LRP1B: variants seen among roughly 807,000 people sequenced by gnomAD.
LRP1B encodes LDL receptor related protein 1B, also known as low-density lipoprotein receptor-related protein 1B.
LRP1B carries 217 observed loss-of-function variants against 556.6 expected under a neutral mutation model. That is an observed-to-expected ratio of 0.39 (90% CI 0.35 to 0.44). The LOEUF (loss-of-function observed/expected upper bound fraction) is 0.44. Among genes scored for constraint, LRP1B ranks in the 20% least tolerant of loss-of-function variants. The pLI is 1.00. For missense variants in LRP1B, 5,053 were observed against 5,620.8 expected, an observed-to-expected ratio of 0.90 and a Z score of 3.23; for synonymous variants, 2,047 against 1,865.8, an observed-to-expected ratio of 1.10 and a Z score of -2.50.
chr2:141,469,328 C>T (rs891483057), intron 3 of LRP1B, among the ~76,000 whole-genome samples: 1 of 152,134 alleles, frequency 6.6e-6, no homozygotes, highest in African/African-American at 2.4e-5. Context: ...TTTCATTTTT[C>T]AGAATATTAC....
chr2:141,828,842 T>A (rs1697020010), intron 1 of LRP1B, among the ~76,000 whole-genome samples: 8 of 151,888 alleles, frequency 5.3e-5, no homozygotes, highest in Admixed American at 2.6e-4. Flanking sequence ...TAAAAATCAA[T>A]AACTGGGATA....
At chr2:141,518,735 G>A (rs1031338780) in intron 2 of LRP1B, among the ~76,000 whole-genome samples, 2 of 152,084 alleles carry the variant, frequency 1.3e-5, no homozygotes, top group African/African-American at 2.4e-5. Flanking sequence ...GATCACCTGA[G>A]GTCAGAAGTT....
At chr2:141,624,865 G>C (rs922348507) in intron 2 of LRP1B, among the ~76,000 whole-genome samples, 1 of 152,104 alleles carries the variant, frequency 6.6e-6, no homozygotes, top group African/African-American at 2.4e-5. Flanking sequence ...CGCCTCCCAG[G>C]TTCATTCCAT....
intron 9 of LRP1B, 55 bp from the exon 10 acceptor site, chr2:141,055,314 T>C (rs1699149234): frequency 2.6e-6 from 4 of 1,564,248 alleles, no homozygotes; most frequent in Admixed American, 3.7e-5. Flanking sequence ...ATAAGATAAC[T>C]ATGTGCATCA....
At chr2:141,630,615 A>C (rs1558766252) in intron 2 of LRP1B, among the ~76,000 whole-genome samples, 1 of 152,212 alleles carries the variant, frequency 6.6e-6, no homozygotes, top group African/African-American at 2.4e-5. Context: ...AAAAGTCACG[A>C]CAGATGGTCC....
In LRP1B at chr2:142,036,996, T is replaced by C. The variant is rs113397564; in HGVS notation, c.82+93652A>G. 8.5e-3 allele frequency among the ~76,000 whole-genome samples: 1,283 copies of C among 151,736 alleles called. 13 individuals are homozygous for C. The highest frequency in any genetic ancestry group is 0.029 in the African/African-American group (1,223 of 41,476). ...AGGAACTGGGTTTGCTAATTTGGCA[T>C]TGATGTTGGGTCACACAGAGGACTA... On this transcript the variant is annotated intron_variant, in intron 1 of 90. Coordinates refer to ENST00000389484, the MANE Select transcript of LRP1B (RefSeq NM_018557.3).
At chr2:140,730,344 T>C (rs1196792577) in intron 35 of LRP1B, among the ~76,000 whole-genome samples, 3 of 152,212 alleles carry the variant, frequency 2.0e-5, no homozygotes, top group Non-Finnish European at 2.9e-5. Context: ...CCAGGTTCTT[T>C]AGTACATCAT....
chr2:141,879,370 A>C (rs1216909032), intron 1 of LRP1B, among the ~76,000 whole-genome samples: 2 of 152,040 alleles, frequency 1.3e-5, no homozygotes, highest in Admixed American at 6.6e-5. Context: ...ACATATTTAT[A>C]AAACAAATGC....
intron 6 of LRP1B, among the ~76,000 whole-genome samples, chr2:141,206,155 A>G (rs991780006): frequency 2.6e-5 from 4 of 151,138 alleles, no homozygotes; most frequent in East Asian, 4.0e-4. Flanking sequence ...ACACACACAC[A>G]CACGCACAAC....
At chr2:140,587,293 T>G (rs1265054968) in intron 43 of LRP1B, among the ~76,000 whole-genome samples, 1 of 152,118 alleles carries the variant, frequency 6.6e-6, no homozygotes, top group Admixed American at 6.6e-5. Flanking sequence ...TAAAAAGGAC[T>G]TGAAAAATGT....
chr2:141,340,988 C>G (rs943214781), intron 3 of LRP1B, among the ~76,000 whole-genome samples: 1 of 152,062 alleles, frequency 6.6e-6, no homozygotes, highest in Non-Finnish European at 1.5e-5. Flanking sequence ...AAACCAAGCC[C>G]AGGTGCTCAA....
chr2:141,292,468 T>C (rs1489682912), intron 3 of LRP1B, among the ~76,000 whole-genome samples: 1 of 151,846 alleles, frequency 6.6e-6, no homozygotes, highest in African/African-American at 2.4e-5. Flanking sequence ...AGAGAAGAGC[T>C]CACCAAATCT....
intron 66 of LRP1B, among the ~76,000 whole-genome samples, chr2:140,417,905 G>T (rs1685269262): frequency 6.6e-6 from 1 of 152,184 alleles, no homozygotes. Flanking sequence ...CTCTGTGAGG[G>T]GATAGAAACA....
intron 20 of LRP1B, among the ~76,000 whole-genome samples, chr2:140,938,550 T>G (rs1171446966): frequency 6.6e-6 from 1 of 152,074 alleles, no homozygotes; most frequent in Non-Finnish European, 1.5e-5. Flanking sequence ...CATTTAAATG[T>G]TAGTTCACAG....
At chr2:140,765,393 A>G (rs541885849) in intron 35 of LRP1B, among the ~76,000 whole-genome samples, 4 of 152,292 alleles carry the variant, frequency 2.6e-5, no homozygotes, top group African/African-American at 9.6e-5. Flanking sequence ...TGAATATTGA[A>G]TAGAGCATTA....
intron 3 of LRP1B, among the ~76,000 whole-genome samples, chr2:141,284,034 T>C (rs1251171940): frequency 6.6e-6 from 1 of 152,178 alleles, no homozygotes; most frequent in African/African-American, 2.4e-5. Flanking sequence ...GAGTGCAATG[T>C]TAGAAATAAC....
At chr2:140,965,009 T>A (rs551655753) in intron 18 of LRP1B, among the ~76,000 whole-genome samples, 2 of 152,120 alleles carry the variant, frequency 1.3e-5, no homozygotes, top group African/African-American at 4.8e-5. Flanking sequence ...TAGAGAGATA[T>A]TGAAAGAAGT....
chr2:141,657,240 C>T (rs970910735), intron 2 of LRP1B, among the ~76,000 whole-genome samples: 1 of 151,872 alleles, frequency 6.6e-6, no homozygotes, highest in African/African-American at 2.4e-5. Flanking sequence ...TAGTAAATGA[C>T]CAAAAGAAAT....
At chr2:140,782,928 C>G (rs1028542856) in intron 32 of LRP1B, among the ~76,000 whole-genome samples, 2 of 152,142 alleles carry the variant, frequency 1.3e-5, no homozygotes, top group African/African-American at 4.8e-5. Context: ...CTGAAGGTCA[C>G]ACAGCAGGAG....
Sources: gnomAD v4.1 joint callset for allele counts (sites outside exome capture counted in the v4.1 genomes callset) on GRCh38, gnomAD v4.1.1 for gene constraint, MANE v1.5 for transcripts, NCBI Gene and HGNC (gene_info 2026-07-23, HGNC 2026-07-21) for gene names.